Variants in LUZP2 observed in about 807,000 individuals in gnomAD.
The protein encoded by LUZP2 is leucine zipper protein 2.
A neutral mutation model predicts 51.6 loss-of-function variants in LUZP2; 52 were observed. That is an observed-to-expected ratio of 1.01 (90% confidence interval 0.81 to 1.27). The LOEUF is 1.27. Among genes scored for constraint, LUZP2 ranks in the 50% most tolerant of loss-of-function variants. The pLI, the probability that LUZP2 is intolerant of heterozygous loss-of-function variation, is 0.00. For missense variants in LUZP2, 436 were observed against 395.4 expected, an observed-to-expected ratio of 1.10 and a Z score of -0.87; for synonymous variants, 154 against 137.3, an observed-to-expected ratio of 1.12 and a Z score of -0.85.
At chr11:24,842,926 A>T (rs1328870763) in intron 5 of LUZP2, among the ~76,000 whole-genome samples, 1 of 151,896 alleles carries the variant, frequency 6.6e-6, no homozygotes, top group Non-Finnish European at 1.5e-5. Flanking sequence ...GAAAAAAATA[A>T]ATTGTTGAAA....
At chr11:24,609,028 G>A (rs554991064) in intron 1 of LUZP2, among the ~76,000 whole-genome samples, 2 of 152,124 alleles carry the variant, frequency 1.3e-5, no homozygotes, top group South Asian at 2.1e-4. Context: ...AAATGGTAAC[G>A]TAACATCCAG....
At chr11:24,983,361 A>G in intron 9 of LUZP2, 68 bp downstream of exon 9, 4 of 1,455,732 alleles carry the variant, frequency 2.7e-6, no homozygotes, top group Non-Finnish European at 3.8e-6. Context: ...AGCCCAGTAT[A>G]TATAATCACC....
At chr11:24,815,351 T>C (rs1404801860) in intron 5 of LUZP2, among the ~76,000 whole-genome samples, 1 of 152,206 alleles carries the variant, frequency 6.6e-6, no homozygotes, top group African/African-American at 2.4e-5. Context: ...CTTTGATGCA[T>C]ATGGAAAGAA....
chr11:25,043,023 G>A (rs1486755454), intron 9 of LUZP2, among the ~76,000 whole-genome samples: 1 of 152,168 alleles, frequency 6.6e-6, no homozygotes, highest in Non-Finnish European at 1.5e-5. Flanking sequence ...GTAAACCAGA[G>A]AACTTGTTTC....
chr11:24,505,530 G>A (rs895397070), intron 1 of LUZP2, among the ~76,000 whole-genome samples: 3 of 152,080 alleles, frequency 2.0e-5, no homozygotes, highest in South Asian at 2.1e-4. Context: ...TCACTATATC[G>A]ACAGTCTACA....
At chr11:24,748,790 G>A (rs555886310) in intron 4 of LUZP2, among the ~76,000 whole-genome samples, 1 of 152,106 alleles carries the variant, frequency 6.6e-6, no homozygotes, top group Non-Finnish European at 1.5e-5. Flanking sequence ...TCACATATCA[G>A]TATATATTTA....
chr11:24,947,397 A>C (rs73431520), intron 7 of LUZP2, among the ~76,000 whole-genome samples: 222 of 152,006 alleles, frequency 1.5e-3, no homozygotes, highest in African/African-American at 5.1e-3. Flanking sequence ...AAAGGGAGGC[A>C]GTAGAGGCAG....
intron 1 of LUZP2, among the ~76,000 whole-genome samples, chr11:24,543,397 A>G (rs2133724171): frequency 6.6e-6 from 1 of 152,184 alleles, no homozygotes. Context: ...GATTGTGTCT[A>G]TGTGACCATG....
intron 8 of LUZP2, among the ~76,000 whole-genome samples, chr11:24,982,340 A>T (rs1856060389): frequency 6.6e-6 from 1 of 151,906 alleles, no homozygotes; most frequent in Non-Finnish European, 1.5e-5. Context: ...TCACAATAAC[A>T]AAGACATAGA....
intron 7 of LUZP2, among the ~76,000 whole-genome samples, chr11:24,934,616 G>T (rs1010981169): frequency 6.6e-6 from 1 of 151,790 alleles, no homozygotes; most frequent in Non-Finnish European, 1.5e-5. Context: ...AAAAAAAAAT[G>T]TTGTGACATA....
intron 10 of LUZP2, among the ~76,000 whole-genome samples, chr11:25,053,704 C>T (rs966122261): frequency 6.6e-6 from 1 of 151,984 alleles, no homozygotes; most frequent in Non-Finnish European, 1.5e-5. Flanking sequence ...CAATTGCTGT[C>T]TTTTGGATTA....
At chr11:25,069,174 C>A (rs1448842171) in intron 10 of LUZP2, among the ~76,000 whole-genome samples, 3 of 151,718 alleles carry the variant, frequency 2.0e-5, no homozygotes, top group African/African-American at 7.3e-5. Context: ...CTATCAAAAT[C>A]TAAAATATTA....
At chr11:25,019,751 CTAT>C (rs1253654140) in intron 9 of LUZP2, among the ~76,000 whole-genome samples, 1 of 152,056 alleles carries the variant, frequency 6.6e-6, no homozygotes, top group Non-Finnish European at 1.5e-5. Context: ...ATCATGCACA[CTAT>C]TTAAACTGCC....
chr11:24,922,699 G>A (rs542613928), intron 7 of LUZP2, among the ~76,000 whole-genome samples: 71 of 152,020 alleles, frequency 4.7e-4, no homozygotes, highest in East Asian at 9.7e-4. Context: ...TCATTTGTGC[G>A]TCAAAATAAT....
intron 1 of LUZP2, among the ~76,000 whole-genome samples, chr11:24,658,956 C>A (rs1045587976): frequency 6.6e-6 from 1 of 152,148 alleles, no homozygotes; most frequent in African/African-American, 2.4e-5. Flanking sequence ...AATAGGAACA[C>A]TTTTATACTG....
At chr11:25,005,879 T>C (rs148981105) in intron 9 of LUZP2, among the ~76,000 whole-genome samples, 157 of 152,292 alleles carry the variant, frequency 1.0e-3, no homozygotes, top group African/African-American at 3.4e-3. Flanking sequence ...GTTAGAGTCC[T>C]AAGCATTCTC....
At chr11:24,886,585 G>A (rs879755056) in intron 5 of LUZP2, among the ~76,000 whole-genome samples, 14 of 152,052 alleles carry the variant, frequency 9.2e-5, no homozygotes, top group Non-Finnish European at 1.9e-4. Context: ...TCTTTAAATT[G>A]TAAGAAGATA....
intron 1 of LUZP2, among the ~76,000 whole-genome samples, chr11:24,663,580 T>A (rs1372342294): frequency 6.6e-6 from 1 of 152,228 alleles, no homozygotes; most frequent in Non-Finnish European, 1.5e-5. Context: ...TTACAATTTT[T>A]AAAAATCTTT....
intron 1 of LUZP2, among the ~76,000 whole-genome samples, chr11:24,549,235 A>G (rs749552075): frequency 6.6e-6 from 1 of 152,126 alleles, no homozygotes; most frequent in South Asian, 2.1e-4. Flanking sequence ...TAAATTAAAT[A>G]CAAAGGTACT....
Sources: gnomAD v4.1 joint callset for allele counts (sites outside exome capture counted in the v4.1 genomes callset) on GRCh38, gnomAD v4.1.1 for gene constraint, MANE v1.5 for transcripts, NCBI Gene and HGNC (gene_info 2026-07-23, HGNC 2026-07-21) for gene names.